Variants in CFAP91 observed in about 807,000 individuals in gnomAD.
The protein encoded by CFAP91 is cilia and flagella associated protein 91.
A neutral mutation model predicts 95.9 loss-of-function variants in CFAP91; 85 were observed. The ratio of observed to expected loss-of-function variants is 0.89; its 90% CI spans 0.74 to 1.06. The LOEUF is 1.06. CFAP91 is among the 50% of genes least tolerant of loss of function. The pLI is 0.00. For missense variants in CFAP91, 962 were observed against 943.4 expected, an observed-to-expected ratio of 1.02 and a Z score of -0.26; for synonymous variants, 335 against 327.5, an observed-to-expected ratio of 1.02 and a Z score of -0.25.
At chr3:119,716,058 A>G in intron 6 of CFAP91, 1 of 523,414 alleles carries the variant, frequency 1.9e-6, no homozygotes. Flanking sequence ...TTCATTGAGC[A>G]ATCATACTTC....
intron 17 of CFAP91, among the ~76,000 whole-genome samples, chr3:119,754,810 T>C (rs1323350195): frequency 6.6e-6 from 1 of 152,122 alleles, no homozygotes; most frequent in East Asian, 1.9e-4. Flanking sequence ...GACAGGACAC[T>C]TACCTAGAGC....
intron 1 of CFAP91, 102 bp from the exon 2 acceptor site, chr3:119,706,707 A>G: frequency 1.1e-6 from 1 of 886,996 alleles, no homozygotes; most frequent in Non-Finnish European, 1.8e-6. Context: ...TTAAACTTTT[A>G]AATTTGTTTT....
In CFAP91 at chr3:119,744,085, T is replaced by C. The variant is rs142697783; in HGVS notation, c.1791T>C (p.His597=). 21 of 1,614,206 alleles carry C rather than the reference T, an allele frequency of 1.3e-5. No individual in the cohort carries two copies. In the African/African-American group the frequency reaches 2.5e-4, roughly 19 times the overall value. The change falls in exon 14 of 18, where the codon CAT becomes CAC. Residue 597 remains histidine (H), a synonymous_variant. Coordinates refer to ENST00000273390, the MANE Select transcript of CFAP91 (RefSeq NM_033364.4). The part of the protein sequence containing the change: ...LVRLQEERRI[H]AFVMLAERQR... ...GACTGCAGGAGGAGAGGAGGATCCA[T>C]GCCTTTGTCATGCTGGCTGAGCGCC...
Position 119,765,800 on chromosome 3 carries a change from A to G in CFAP91, c.*750A>G, listed in dbSNP as rs1020605043. On this transcript the variant is annotated 3_prime_UTR_variant, in exon 18 of 18. Coordinates refer to ENST00000273390, the MANE Select transcript of CFAP91 (RefSeq NM_033364.4). ...AAAAGAAAACAGTAAATGAACAAAA[A>G]CATCAACATGGAGTCCAAGTAATGA... 1 of 152,216 alleles carries G rather than the reference A, an allele frequency of 6.6e-6. No homozygotes were observed. Among genetic ancestry groups the G allele is most frequent in the Non-Finnish European group, 1.5e-5 (1 of 68,042 alleles). 9.4% of individuals were successfully genotyped at this position (152,216 alleles called of 1,614,324 possible).
intron 3 of CFAP91, 113 bp from the exon 4 acceptor site, chr3:119,708,476 ACT>A (rs2053415540): frequency 1.5e-6 from 1 of 678,420 alleles, no homozygotes; most frequent in African/African-American, 1.9e-5. Context: ...GGAAGACTTT[ACT>A]CTCAGTATGA....
At position 119,744,140 on chromosome 3, in the gene CFAP91, G is replaced by C. The variant is rs774716371; in HGVS notation, c.1846G>C (p.Gly616Arg). The change falls in exon 14 of 18, where the codon GGT (glycine) becomes CGT (arginine). Residue 616 changes from glycine (G) to arginine (R), a missense_variant. Coordinates refer to ENST00000273390, the MANE Select transcript of CFAP91 (RefSeq NM_033364.4). ...QRRVREAEES[G>R]RRQVEKQRLR... ...GCGGGTACGAGAGGCTGAAGAGAGT[G>C]GTCGGCGCCAGGTGGAAAAACAGCG... is the stretch of plus-strand genomic sequence containing the variant. 1 of 1,613,954 alleles carries C rather than the reference G, an allele frequency of 6.2e-7. No individual in the cohort carries two copies. Among genetic ancestry groups the C allele is most frequent in the South Asian group, 1.1e-5 (1 of 91,072 alleles).
At chr3:119,707,734 T>G (rs1481687416) in intron 3 of CFAP91, among the ~76,000 whole-genome samples, 173 bp downstream of exon 3, 1 of 147,710 alleles carries the variant, frequency 6.8e-6, no homozygotes, top group East Asian at 2.0e-4. Context: ...ATATATGAGA[T>G]ATATATATAT....
intron 6 of CFAP91, among the ~76,000 whole-genome samples, chr3:119,716,676 T>C (rs1195773155): frequency 6.6e-6 from 1 of 152,220 alleles, no homozygotes; most frequent in Admixed American, 6.5e-5. Context: ...AACCTCCGCC[T>C]CCTGGGTTCA....
chr3:119,752,376 G>C (rs2054341869), intron 17 of CFAP91: 1 of 152,094 alleles, frequency 6.6e-6, no homozygotes, highest in African/African-American at 2.4e-5. Flanking sequence ...TGAGAGGGAA[G>C]GTAAGAAATA....
chr3:119,703,457 G>A (rs892370375), intron 1 of CFAP91, among the ~76,000 whole-genome samples: 4 of 152,210 alleles, frequency 2.6e-5, no homozygotes, highest in Admixed American at 6.5e-5. Flanking sequence ...TCCGCTTCGG[G>A]GGGCGATTTT....
intron 6 of CFAP91, among the ~76,000 whole-genome samples, chr3:119,716,593 A>G (rs1367541934): frequency 2.0e-5 from 3 of 152,048 alleles, no homozygotes; most frequent in African/African-American, 4.8e-5. Context: ...ATCAACACCC[A>G]TACTTTTTTT....
At chr3:119,730,169 CCT>C in intron 7 of CFAP91, 49 bp from the exon 8 acceptor site, 1 of 1,567,290 alleles carries the variant, frequency 6.4e-7, no homozygotes, top group Non-Finnish European at 8.7e-7. Context: ...GTTCCCTTGC[CCT>C]CTGTTTGAGA....
At chr3:119,722,944 G>A (rs541679542) in intron 6 of CFAP91, among the ~76,000 whole-genome samples, 1 of 152,078 alleles carries the variant, frequency 6.6e-6, no homozygotes, top group Non-Finnish European at 1.5e-5. Context: ...TTTATCAATG[G>A]GAAACTCATG....
intron 14 of CFAP91, among the ~76,000 whole-genome samples, chr3:119,744,586 C>G (rs939401583): frequency 2.6e-5 from 4 of 152,064 alleles, no homozygotes; most frequent in African/African-American, 9.7e-5. Flanking sequence ...GAGTGAGAGA[C>G]AGGAAGTCGA....
At chr3:119,719,443 G>T (rs10934497) in intron 6 of CFAP91, among the ~76,000 whole-genome samples, 5,151 of 152,230 alleles carry the variant, frequency 0.034, 277 homozygotes, top group African/African-American at 0.12. Context: ...GAAAAATAAC[G>T]ACAGTGAAAA....
chr3:119,709,978 A>G, intron 5 of CFAP91, 83 bp downstream of exon 5: 15 of 1,081,582 alleles, frequency 1.4e-5, no homozygotes, highest in South Asian at 4.0e-5. Flanking sequence ...AGTTCACTAA[A>G]TCACTATTTT....
At chr3:119,740,526 G>T in intron 12 of CFAP91, 23 bp from the exon 13 acceptor site, 1 of 1,558,816 alleles carries the variant, frequency 6.4e-7, no homozygotes, top group Non-Finnish European at 8.7e-7. Flanking sequence ...TTGCAGGTCT[G>T]TCTTTGATTT....
At chr3:119,749,824 A>G (rs2054293945) in intron 16 of CFAP91, among the ~76,000 whole-genome samples, 1 of 152,204 alleles carries the variant, frequency 6.6e-6, no homozygotes, top group Non-Finnish European at 1.5e-5. Context: ...TCACTTTTTG[A>G]AAAGCCAATG....
rs114146641 is a variant in CFAP91, at chr3:119,750,942, A to T, written c.2149A>T (p.Asn717Tyr). Reference sequence around the variant, plus strand: ...TTTCTATTACTTTGGCACAGTGAGGAACGCACAGCGGAAACATATTCTTGC... The same window carrying T: ...TTTCTATTACTTTGGCACAGTGAGGTACGCACAGCGGAAACATATTCTTGC... ...QKYFVKEKVR[N>Y]AQRKHILAAH... Residue 717 changes from asparagine to tyrosine, a missense_variant, in exon 17 of 18, where the codon AAC becomes TAC. Asn to Tyr is a moderately radical substitution (Grantham distance 143). Transcript: ENST00000273390. 343 of 1,613,930 alleles carry T rather than the reference A, an allele frequency of 2.1e-4. No homozygotes were observed. The African/African-American group carries it at 4.0e-3, about 19-fold the overall frequency.
Sources: allele counts gnomAD v4.1 joint callset (sites outside exome capture counted in the v4.1 genomes callset), GRCh38; gene constraint gnomAD v4.1.1; transcripts MANE v1.5; gene names NCBI Gene and HGNC (gene_info 2026-07-23, HGNC 2026-07-21).